ALK: variants seen among roughly 807,000 people sequenced by gnomAD.
The protein encoded by ALK is ALK tyrosine kinase receptor.
A neutral mutation model predicts 163.1 loss-of-function variants in ALK; 74 were observed. The observed-to-expected ratio is 0.45, with a 90% CI of 0.38 to 0.55. The LOEUF is 0.55. Ranked by LOEUF, ALK falls within the 20% of genes least tolerant of loss-of-function variation. The pLI is 0.00. For missense variants in ALK, 2,063 were observed against 2,105.3 expected, an observed-to-expected ratio of 0.98 and a Z score of 0.39; for synonymous variants, 960 against 843.2, an observed-to-expected ratio of 1.14 and a Z score of -2.40.
intron 4 of ALK, among the ~76,000 whole-genome samples, chr2:29,467,498 G>A (rs1671241209): frequency 1.3e-5 from 2 of 152,098 alleles, no homozygotes; most frequent in Admixed American, 6.5e-5. Flanking sequence ...ATCTGATGGA[G>A]TCCAAGTACA....
chr2:29,737,517 T>A (rs947456997), intron 1 of ALK, among the ~76,000 whole-genome samples: 2 of 152,064 alleles, frequency 1.3e-5, no homozygotes, highest in African/African-American at 4.8e-5. Flanking sequence ...TTAATTCCAA[T>A]CTTAAGTGAC....
intron 4 of ALK, among the ~76,000 whole-genome samples, chr2:29,522,967 CAAG>C (rs1280765407): frequency 6.6e-6 from 1 of 152,118 alleles, no homozygotes; most frequent in African/African-American, 2.4e-5. Context: ...ACATTTGCTA[CAAG>C]AAGAGGTAGT....
At chr2:29,221,116 G>C in intron 22 of ALK, 1 of 587,376 alleles carries the variant, frequency 1.7e-6, no homozygotes. Flanking sequence ...AAGTGTCTCA[G>C]GGGGCAGGAG....
At chr2:29,803,770 G>C (rs1450750883) in intron 1 of ALK, among the ~76,000 whole-genome samples, 5 of 152,202 alleles carry the variant, frequency 3.3e-5, no homozygotes. Flanking sequence ...GGGATGCCAA[G>C]CTTAGAGGTT....
intron 23 of ALK, among the ~76,000 whole-genome samples, chr2:29,216,933 G>GGGCATGTGTGT (rs147678836): frequency 0.28 from 38,682 of 140,652 alleles, 5,534 homozygotes; most frequent in Middle Eastern, 0.39. Context: ...GGTGTGTGGG[G>GGGCATGTGTGT]GGTGTGTGTG....
chr2:29,204,393 T>C (rs1669261383), intron 26 of ALK, among the ~76,000 whole-genome samples: 1 of 149,862 alleles, frequency 6.7e-6, no homozygotes, highest in Admixed American at 6.6e-5. Flanking sequence ...CCTCCGACTT[T>C]CCTCGTTTTT....
chr2:29,830,046 G>A (rs182586620), intron 1 of ALK, among the ~76,000 whole-genome samples: 274 of 152,328 alleles, frequency 1.8e-3, no homozygotes, highest in African/African-American at 6.3e-3. Flanking sequence ...GTGGCATGGA[G>A]CCACTGGCTG....
In ALK at chr2:29,921,586, T is replaced by C. The variant is rs1410839838; in HGVS notation, c.-927A>G. On this transcript the variant is annotated 5_prime_UTR_variant, in exon 1 of 29. Transcript: ENST00000389048. ...GCCCCCAGAGCCGCTGGATCGCATC[T>C]GCCTGGGCGCCCGCCACTTGCAGCT... 2.6e-5 allele frequency: 6 copies of C among 230,124 alleles called. No homozygotes were observed. The highest frequency in any genetic ancestry group is 1.3e-4 in the African/African-American group (6 of 45,238). 14.3% of individuals were successfully genotyped at this position (230,124 alleles called of 1,614,324 possible).
intron 1 of ALK, among the ~76,000 whole-genome samples, chr2:29,819,916 G>A (rs1382590076): frequency 6.6e-6 from 1 of 152,178 alleles, no homozygotes; most frequent in Non-Finnish European, 1.5e-5. Flanking sequence ...CCCAATGCAG[G>A]TGAGGAACAG....
At chr2:29,400,259 T>C (rs1301291169) in intron 4 of ALK, among the ~76,000 whole-genome samples, 1 of 152,240 alleles carries the variant, frequency 6.6e-6, no homozygotes, top group Non-Finnish European at 1.5e-5. Context: ...AAATTCAATA[T>C]CTTATTTTAA....
At chr2:29,349,161 C>T (rs1255329941) in intron 5 of ALK, among the ~76,000 whole-genome samples, 3 of 152,144 alleles carry the variant, frequency 2.0e-5, no homozygotes, top group Non-Finnish European at 4.4e-5. Context: ...GTTGCAGGGT[C>T]GCCCTCTCCA....
intron 2 of ALK, among the ~76,000 whole-genome samples, chr2:29,699,295 C>T (rs1199578902): frequency 3.3e-5 from 5 of 152,176 alleles, no homozygotes; most frequent in African/African-American, 7.2e-5. Context: ...GTTTTCCTTC[C>T]ATCACTGTAC....
intron 5 of ALK, among the ~76,000 whole-genome samples, chr2:29,360,421 C>G (rs758424088): frequency 7.9e-5 from 12 of 152,210 alleles, no homozygotes; most frequent in Non-Finnish European, 1.8e-4. Flanking sequence ...GTGTAGCCTT[C>G]TGACCTCTGG....
chr2:29,301,034 G>A (rs1181156252), intron 8 of ALK, among the ~76,000 whole-genome samples: 1 of 152,182 alleles, frequency 6.6e-6, no homozygotes, highest in African/African-American at 2.4e-5. Flanking sequence ...CTGAAGAACT[G>A]TCTGCATTAC....
chr2:29,197,108 C>A (rs540299037), intron 27 of ALK, among the ~76,000 whole-genome samples: 1 of 152,286 alleles, frequency 6.6e-6, no homozygotes, highest in African/African-American at 2.4e-5. Flanking sequence ...GTTAAAGCCA[C>A]TTTGGGGACA....
intron 1 of ALK, among the ~76,000 whole-genome samples, chr2:29,784,272 T>G (rs983868964): frequency 6.6e-6 from 1 of 152,194 alleles, no homozygotes; most frequent in Non-Finnish European, 1.5e-5. Flanking sequence ...TAAACATGAA[T>G]GACGAGAGTT....
At chr2:29,630,377 A>T (rs1558416531) in intron 3 of ALK, among the ~76,000 whole-genome samples, 1 of 151,930 alleles carries the variant, frequency 6.6e-6, no homozygotes, top group Non-Finnish European at 1.5e-5. Context: ...TTTATTTATT[A>T]TTTTTTTTCT....
At chr2:29,263,304 G>A (rs557545137) in intron 11 of ALK, among the ~76,000 whole-genome samples, 1 of 152,188 alleles carries the variant, frequency 6.6e-6, no homozygotes, top group Non-Finnish European at 1.5e-5. Context: ...AGAGGCAAAC[G>A]TGTGGGAAGC....
intron 8 of ALK, among the ~76,000 whole-genome samples, chr2:29,309,876 G>A (rs755291910): frequency 6.6e-6 from 1 of 152,160 alleles, no homozygotes; most frequent in South Asian, 2.1e-4. Context: ...ACTGAGAGGA[G>A]AAATCAGAAC....
Sources: gnomAD v4.1 joint callset for allele counts (sites outside exome capture counted in the v4.1 genomes callset) on GRCh38, gnomAD v4.1.1 for gene constraint, MANE v1.5 for transcripts, NCBI Gene and HGNC (gene_info 2026-07-23, HGNC 2026-07-21) for gene names.